LRRC39: variants seen among roughly 807,000 people sequenced by gnomAD.
LRRC39 encodes leucine rich repeat containing 39, also known as leucine-rich repeat-containing protein 39.
LRRC39 carries 35 observed loss-of-function variants against 39.7 expected under a neutral mutation model. The ratio of observed to expected loss-of-function variants is 0.88; its 90% CI spans 0.67 to 1.17. The LOEUF is 1.17. Ranked by LOEUF, LRRC39 falls within the 50% of genes most tolerant of loss-of-function variation. The probability of loss-of-function intolerance (pLI) is 0.00; values close to 1 mark genes in which losing one functional copy is unlikely to be tolerated. For missense variants in LRRC39, 357 were observed against 385.8 expected (o/e 0.93, Z 0.62); for synonymous variants, 113 against 134.1 (o/e 0.84, Z 1.09).
At chr1:100,155,353 C>A in intron 7 of LRRC39, 150 bp from the exon 8 acceptor site, 1 of 643,134 alleles carries the variant, frequency 1.6e-6, no homozygotes. Context: ...CCCCCTCAGC[C>A]TCCTAAAGTG....
Position 100,156,150 on chromosome 1 carries a change from C to T in LRRC39, c.659+22G>A, listed in dbSNP as rs777872289. On this transcript the variant is annotated intron_variant, in intron 7 of 9. Transcript: ENST00000370137. The stretch of plus-strand genomic sequence containing the variant: ...GAGGTTTCAAGACTTTTATCATTAG[C>T]ATAAAGAGTTATTTCTTTTACCTTT... 6.9e-6 allele frequency: 11 copies of T among 1,601,974 alleles called. No individual in the cohort carries two copies. In the South Asian group the frequency reaches 1.1e-4, roughly 16 times the overall value.
chr1:100,156,192 T>C lies in LRRC39; in HGVS notation c.639A>G (p.Gln213=), dbSNP rs772547778. ...WLDMGSNKLE[Q]LPDTIERMQN... ...TTTACCTTTCTATAGTATCAGGAAG[T>C]TGTTCAAGTTTGTTGCTTCCCATGT... Residue 213 remains glutamine, a synonymous_variant, in exon 7 of 10, where the codon CAA becomes CAG. Coordinates refer to ENST00000370137, the MANE Select transcript of LRRC39 (RefSeq NM_144620.4). 1.2e-5 allele frequency: 19 copies of C among 1,613,808 alleles called. No individual in the cohort carries two copies. In the East Asian group the frequency reaches 4.2e-4, roughly 36 times the overall value.
At chr1:100,170,901 G>A (rs1301975399) in intron 2 of LRRC39, among the ~76,000 whole-genome samples, 1 of 152,072 alleles carries the variant, frequency 6.6e-6, no homozygotes, top group Non-Finnish European at 1.5e-5. Flanking sequence ...TTTGAGAACT[G>A]AGGAAGATAT....
intron 3 of LRRC39, among the ~76,000 whole-genome samples, chr1:100,166,895 T>C (rs1395839904): frequency 6.6e-6 from 1 of 152,194 alleles, no homozygotes; most frequent in Non-Finnish European, 1.5e-5. Context: ...CGTTTGCTCT[T>C]CCTTCATCTT....
chr1:100,158,918 A>G (rs1018075799), intron 5 of LRRC39, among the ~76,000 whole-genome samples: 1 of 151,314 alleles, frequency 6.6e-6, no homozygotes, highest in African/African-American at 2.4e-5. Flanking sequence ...GCAATTTTCT[A>G]TTTGGATTTT....
At chr1:100,153,476 G>T (rs986985873) in intron 8 of LRRC39, among the ~76,000 whole-genome samples, 2 of 152,030 alleles carry the variant, frequency 1.3e-5, no homozygotes, top group Non-Finnish European at 2.9e-5. Flanking sequence ...AAAAACTTCT[G>T]CACAGTAAAA....
intron 9 of LRRC39, among the ~76,000 whole-genome samples, chr1:100,151,451 C>T (rs1437958326): frequency 6.6e-6 from 1 of 152,136 alleles, no homozygotes; most frequent in African/African-American, 2.4e-5. Flanking sequence ...ATCTAATCAC[C>T]ATTTCCTAAA....
At position 100,155,068 on chromosome 1, in the gene LRRC39, T is replaced by A; in HGVS notation, c.795A>T (p.Glu265Asp). ...NKLQDIPVCMEEMANLRFVNF... is the reference protein window; with the variant it reads ...NKLQDIPVCMDEMANLRFVNF... ...CTTTTTACCTCAGATTTGCCATTTC[T>A]TCCATGCATACTGGAATATCTTGCA... The change falls in exon 8 of 10, where the codon GAA becomes GAT. Residue 265 changes from glutamate to aspartate, a missense_variant. Coordinates refer to ENST00000370137, the MANE Select transcript of LRRC39 (RefSeq NM_144620.4). The A allele has an allele frequency of 1.9e-6, 3 of 1,576,508 alleles. No individual in the cohort carries two copies. Among genetic ancestry groups the A allele is most frequent in the Non-Finnish European group, 2.6e-6 (3 of 1,167,356 alleles).
chr1:100,166,361 A>G (rs972103297), intron 3 of LRRC39, among the ~76,000 whole-genome samples: 1 of 152,218 alleles, frequency 6.6e-6, no homozygotes, highest in Non-Finnish European at 1.5e-5. Flanking sequence ...GAAGAAAAGA[A>G]AATGTGGGAA....
chr1:100,174,489 G>A (rs1570782315), intron 1 of LRRC39, among the ~76,000 whole-genome samples: 1 of 151,616 alleles, frequency 6.6e-6, no homozygotes, highest in East Asian at 1.9e-4. Flanking sequence ...TGTAGAGATG[G>A]GGTTTTACCA....
intron 3 of LRRC39, among the ~76,000 whole-genome samples, chr1:100,160,971 A>G (rs1658837160): frequency 6.6e-6 from 1 of 152,134 alleles, no homozygotes; most frequent in Admixed American, 6.5e-5. Context: ...CCATTTGACT[A>G]TTAGTACCTG....
In LRRC39 at chr1:100,168,425, C is replaced by T. The variant is rs370508235; in HGVS notation, c.92G>A (p.Arg31Gln). ...RIKKLNEDLK[R>Q]EKEFQHKLVR... ...ATACTTGTGTTGAAATTCCTTCTCT[C>T]GCTTCAGGTCTTCATTGAGTTTCTT... The change falls in exon 3 of 10, where the codon CGA becomes CAA. Residue 31 changes from arginine (R) to glutamine (Q), a missense_variant. Physicochemically the swap from Arg to Gln is conservative, Grantham distance 43 (BLOSUM62 1). Coordinates refer to ENST00000370137, the MANE Select transcript of LRRC39 (RefSeq NM_144620.4). 45 of 1,609,498 alleles carry T rather than the reference C, an allele frequency of 2.8e-5. 1 individual carries two copies. Among genetic ancestry groups the T allele is most frequent in the South Asian group, 2.7e-4 (24 of 89,926 alleles).
At chr1:100,166,597 C>T (rs1659266090) in intron 3 of LRRC39, among the ~76,000 whole-genome samples, 1 of 152,110 alleles carries the variant, frequency 6.6e-6, no homozygotes, top group South Asian at 2.1e-4. Context: ...TTTAGGGTAT[C>T]TGAGGGAAGA....
chr1:100,149,739 TA>T, intron 9 of LRRC39: 1 of 223,466 alleles, frequency 4.5e-6, no homozygotes, highest in Non-Finnish European at 8.7e-6. Context: ...AAGAAAATAC[TA>T]AACCAAATAT....
intron 2 of LRRC39, 83 bp from the exon 3 acceptor site, chr1:100,168,677 C>T: frequency 3.6e-6 from 2 of 556,190 alleles, no homozygotes; most frequent in African/African-American, 2.0e-5. Flanking sequence ...ATTTATAGAA[C>T]ACATTCCATG....
chr1:100,176,817 A>G (rs1396326939), intron 1 of LRRC39, among the ~76,000 whole-genome samples: 2 of 152,220 alleles, frequency 1.3e-5, no homozygotes, highest in Admixed American at 1.3e-4. Flanking sequence ...ATCAATCTAT[A>G]AAAAAGTAAG....
chr1:100,168,057 C>T (rs1047522007), intron 3 of LRRC39, among the ~76,000 whole-genome samples: 1 of 152,030 alleles, frequency 6.6e-6, no homozygotes, highest in Admixed American at 6.6e-5. Context: ...AAATGAGAAT[C>T]TACTGTACCT....
At chr1:100,164,018 A>G (rs1404737181) in intron 3 of LRRC39, among the ~76,000 whole-genome samples, 1 of 152,134 alleles carries the variant, frequency 6.6e-6, no homozygotes, top group Non-Finnish European at 1.5e-5. Context: ...GGTTGCAGTG[A>G]GCCAAGATTG....
chr1:100,148,875 T>C lies in LRRC39; in HGVS notation c.*167A>G. On this transcript the variant is annotated 3_prime_UTR_variant, in exon 10 of 10. Transcript: ENST00000370137. ...TCCACCAAAAAAAATTTTTTAATTATATTTTTATATCAAAAAAATATATAC... is the reference window on the plus strand; with the variant it reads ...TCCACCAAAAAAAATTTTTTAATTACATTTTTATATCAAAAAAATATATAC... 8.5e-7 allele frequency: 1 copy of C among 1,180,540 alleles called. No individual in the cohort carries two copies. The highest frequency in any genetic ancestry group is 3.1e-5 in the East Asian group (1 of 32,152). The allele number at this position is 1,180,540 out of a possible 1,614,324, so 73.1% of individuals were successfully genotyped here.
Sources: allele counts gnomAD v4.1 joint callset (sites outside exome capture counted in the v4.1 genomes callset), GRCh38; gene constraint gnomAD v4.1.1; transcripts MANE v1.5; gene names NCBI Gene and HGNC (gene_info 2026-07-23, HGNC 2026-07-21).